KATNBL1: variants seen among roughly 807,000 people sequenced by gnomAD.
KATNBL1 encodes KATNB1-like protein 1.
Under a neutral mutation model 44.7 loss-of-function variants are expected in KATNBL1, and 28 were observed. That is an observed-to-expected ratio of 0.63 (90% CI 0.46 to 0.86). The LOEUF (loss-of-function observed/expected upper bound fraction) is 0.86, where lower values mean the gene tolerates loss of function less well. Among genes scored for constraint, KATNBL1 ranks in the 40% least tolerant of loss-of-function variants. KATNBL1 has a pLI of 0.00. For missense variants in KATNBL1, 272 were observed against 350.7 expected, an observed-to-expected ratio of 0.78 and a Z score of 1.79; for synonymous variants, 78 against 114.9, an observed-to-expected ratio of 0.68 and a Z score of 2.06.
chr15:34,154,080 GACA>G (rs2140912425), intron 3 of KATNBL1, among the ~76,000 whole-genome samples: 1 of 152,248 alleles, frequency 6.6e-6, no homozygotes, highest in East Asian at 1.9e-4. Flanking sequence ...TTTAACAAAA[GACA>G]GCTGGGTTCT....
At chr15:34,151,939 CCA>C (rs1888491491) in intron 4 of KATNBL1, among the ~76,000 whole-genome samples, 1 of 145,776 alleles carries the variant, frequency 6.9e-6, no homozygotes, top group Admixed American at 6.8e-5. Flanking sequence ...CTTCGGTGGT[CCA>C]CTTTTTTTTT....
chr15:34,177,273 T>C (rs1418277671), intron 1 of KATNBL1, among the ~76,000 whole-genome samples: 2 of 152,190 alleles, frequency 1.3e-5, no homozygotes, highest in African/African-American at 4.8e-5. Context: ...TCTCTTTACA[T>C]AGTAGCTGTC....
intron 1 of KATNBL1, among the ~76,000 whole-genome samples, chr15:34,181,342 G>A (rs1268351971): frequency 6.6e-6 from 1 of 151,628 alleles, no homozygotes; most frequent in Non-Finnish European, 1.5e-5. Flanking sequence ...AGATTTCCAA[G>A]AAACATAGTT....
intron 1 of KATNBL1, chr15:34,166,235 A>G (rs1233777749): frequency 6.6e-6 from 1 of 152,326 alleles, no homozygotes. Context: ...TCTAGCCCAG[A>G]TACTGCACTT....
chr15:34,163,763 T>C (rs903490262), intron 1 of KATNBL1, 73 bp from the exon 2 acceptor site: 5 of 802,046 alleles, frequency 6.2e-6, no homozygotes, highest in African/African-American at 1.8e-5. Context: ...CACACAAACA[T>C]ACAACAGTAG....
At chr15:34,184,329 T>G (rs1340545533) in intron 1 of KATNBL1, among the ~76,000 whole-genome samples, 1 of 129,288 alleles carries the variant, frequency 7.7e-6, no homozygotes, top group African/African-American at 3.1e-5. Context: ...TAGCTGGGCG[T>G]GGTGGTGCGC....
At chr15:34,207,037 CTTT>C (rs10713100) in intron 1 of KATNBL1, among the ~76,000 whole-genome samples, 11 of 140,142 alleles carry the variant, frequency 7.8e-5, no homozygotes, top group Admixed American at 1.4e-4. Context: ...CTAGACAATA[CTTT>C]TTTTTTTTTT....
At chr15:34,160,757 T>C (rs1888775824) in intron 2 of KATNBL1, among the ~76,000 whole-genome samples, 1 of 152,170 alleles carries the variant, frequency 6.6e-6, no homozygotes, top group South Asian at 2.1e-4. Context: ...CCCATCTTGA[T>C]GGTTTTGGGG....
chr15:34,145,038 A>G, intron 9 of KATNBL1: 1 of 995,496 alleles, frequency 1.0e-6, no homozygotes, highest in Non-Finnish European at 1.2e-6. Context: ...CTCCAAAACC[A>G]TTTAATTATG....
chr15:34,159,267 CG>C (rs1888727901), intron 2 of KATNBL1, among the ~76,000 whole-genome samples: 1 of 152,142 alleles, frequency 6.6e-6, no homozygotes, highest in African/African-American at 2.4e-5. Context: ...CGGTGGCCCC[CG>C]TGTTTTTGAG....
At chr15:34,188,685 C>A (rs995147894) in intron 1 of KATNBL1, among the ~76,000 whole-genome samples, 1 of 152,234 alleles carries the variant, frequency 6.6e-6, no homozygotes, top group African/African-American at 2.4e-5. Context: ...TCAGCTCCTG[C>A]TCTGCTTCAT....
intron 1 of KATNBL1, among the ~76,000 whole-genome samples, chr15:34,206,140 GC>G (rs1373196563): frequency 6.6e-6 from 1 of 152,154 alleles, no homozygotes; most frequent in Non-Finnish European, 1.5e-5. Flanking sequence ...CAGTAATAGT[GC>G]CTTTCCCACT....
chr15:34,169,748 G>T (rs1889101339), intron 1 of KATNBL1, among the ~76,000 whole-genome samples: 1 of 152,304 alleles, frequency 6.6e-6, no homozygotes, highest in Non-Finnish European at 1.5e-5. Flanking sequence ...CCACGATCAA[G>T]TCGGCTTCAT....
At chr15:34,153,976 A>G (rs1382785175) in intron 3 of KATNBL1, among the ~76,000 whole-genome samples, 1 of 152,254 alleles carries the variant, frequency 6.6e-6, no homozygotes, top group Non-Finnish European at 1.5e-5. Context: ...TTAACATGGA[A>G]TATCTTACCC....
At chr15:34,161,289 G>A (rs556117877) in intron 2 of KATNBL1, among the ~76,000 whole-genome samples, 9 of 152,154 alleles carry the variant, frequency 5.9e-5, no homozygotes, top group African/African-American at 1.4e-4. Flanking sequence ...TTCTTCCTGC[G>A]TTGCTGAGAG....
intron 1 of KATNBL1, among the ~76,000 whole-genome samples, chr15:34,179,808 T>A (rs1870846574): frequency 6.6e-6 from 1 of 152,234 alleles, no homozygotes; most frequent in South Asian, 2.1e-4. Context: ...ACTTAACATG[T>A]TTTTCTATTT....
intron 1 of KATNBL1, among the ~76,000 whole-genome samples, chr15:34,191,154 CATATATATATATATATATATAT>C (rs57428240): frequency 7.3e-6 from 1 of 136,126 alleles, no homozygotes; most frequent in Non-Finnish European, 1.6e-5. Context: ...AATCATAGAC[CATATATATATATATATATATAT>C]ATATATATAT....
chr15:34,150,954 C>T lies in KATNBL1; in HGVS notation c.438+1836G>A, dbSNP rs551620800. Among the ~76,000 whole-genome samples the T allele has an allele frequency of 1.3e-4, 20 of 152,252 alleles. No individual in the cohort carries two copies. The East Asian group carries it at 3.5e-3, about 26-fold the overall frequency. The stretch of plus-strand genomic sequence containing the variant: ...TGACATGATCTTGTTCTTTTTATGG[C>T]TGCATATAGTATTCCATGGTGTATA... On this transcript the variant is annotated intron_variant, in intron 4 of 9. Transcript: ENST00000256544.
At chr15:34,202,893 A>AGG (rs957063400) in intron 1 of KATNBL1, among the ~76,000 whole-genome samples, 6 of 152,184 alleles carry the variant, frequency 3.9e-5, no homozygotes, top group Non-Finnish European at 8.8e-5. Flanking sequence ...GGGGAGGCTG[A>AGG]GGCAGAAGAA....
Sources: allele counts gnomAD v4.1 joint callset (sites outside exome capture counted in the v4.1 genomes callset), GRCh38; gene constraint gnomAD v4.1.1; transcripts MANE v1.5; gene names NCBI Gene and HGNC (gene_info 2026-07-23, HGNC 2026-07-21).